Variants in EHMT1 observed in about 807,000 individuals in gnomAD.
EHMT1 encodes euchromatic histone lysine methyltransferase 1.
In EHMT1, 15 loss-of-function variants were observed where a neutral mutation model predicts 147.2. The ratio of observed to expected loss-of-function variants is 0.10; its 90% CI spans 0.07 to 0.16. EHMT1 has a LOEUF of 0.16. Among genes scored for constraint, EHMT1 ranks in the 10% least tolerant of loss-of-function variants. EHMT1 has a pLI of 1.00. For missense variants in EHMT1, 1,587 were observed against 1,772.4 expected (o/e 0.90, Z 1.88); for synonymous variants, 795 against 709.6 (o/e 1.12, Z -1.91).
chr9:137,788,161 C>A (rs1051227008), intron 15 of EHMT1: 2 of 816,216 alleles, frequency 2.5e-6, no homozygotes, highest in East Asian at 2.7e-5. Context: ...GCCTTCTCCC[C>A]ACTGCACCCC....
At position 137,732,882 on chromosome 9, in the gene EHMT1, TTC is replaced by T. The variant is rs1947236576; in HGVS notation, c.823+4355_823+4356del. Among the ~76,000 whole-genome samples, 1 of 152,176 alleles carries T rather than the reference TTC, an allele frequency of 6.6e-6. No homozygotes were observed. The highest frequency in any genetic ancestry group is 2.4e-5 in the African/African-American group (1 of 41,434). ...AAGGCTGAGATTTCTTGTCACGTCT[TTC>T]TGTTAATTTTTAATTACTGTGGCGA... On this transcript the variant is annotated intron_variant, in intron 4 of 26. Coordinates refer to ENST00000460843, the MANE Select transcript of EHMT1 (RefSeq NM_024757.5). The surrounding 1 kb of genome is among the most constrained non-coding windows in gnomAD (Gnocchi z 4.6).
chr9:137,780,052 T>C (rs1206685136), intron 14 of EHMT1, among the ~76,000 whole-genome samples: 1 of 151,874 alleles, frequency 6.6e-6, no homozygotes, highest in Non-Finnish European at 1.5e-5. Flanking sequence ...GTGATGACGC[T>C]GAGATGTGTG....
intron 1 of EHMT1, among the ~76,000 whole-genome samples, chr9:137,675,818 C>G (rs951636016): frequency 2.6e-5 from 3 of 117,606 alleles, no homozygotes; most frequent in Admixed American, 9.8e-5. Flanking sequence ...GAGTCTCGCT[C>G]TGTCGCCCAG....
At chr9:137,627,020 C>G (rs1205431507) in intron 1 of EHMT1, among the ~76,000 whole-genome samples, 1 of 151,914 alleles carries the variant, frequency 6.6e-6, no homozygotes, top group Non-Finnish European at 1.5e-5. Flanking sequence ...TGCAGTGGCC[C>G]CATCTCAGCT....
At chr9:137,803,914 C>T (rs28595313) in intron 18 of EHMT1, among the ~76,000 whole-genome samples, 13,397 of 151,948 alleles carry the variant, frequency 0.088, 1,946 homozygotes, top group African/African-American at 0.31. Flanking sequence ...TGCATTCATC[C>T]GTTCTCACAC....
intron 12 of EHMT1, chr9:137,777,147 G>T: frequency 2.6e-6 from 1 of 387,714 alleles, no homozygotes; most frequent in Non-Finnish European, 4.8e-6. Context: ...GTACACAAGC[G>T]ATAGACGAGT....
chr9:137,646,682 T>C (rs1268112335), intron 1 of EHMT1, among the ~76,000 whole-genome samples: 1 of 152,222 alleles, frequency 6.6e-6, no homozygotes, highest in African/African-American at 2.4e-5. Flanking sequence ...TGTGTTGTCA[T>C]GAGCTCTGGC....
At position 137,786,416 on chromosome 9, in the gene EHMT1, A is replaced by C. The variant is rs903829102; in HGVS notation, c.2382+4019A>C. 6.6e-6 allele frequency: 1 copy of C among 152,296 alleles called. No individual in the cohort carries two copies. 9.4% of individuals were successfully genotyped at this position (152,296 alleles called of 1,614,324 possible). On this transcript the variant is annotated intron_variant, in intron 15 of 26. Coordinates refer to ENST00000460843, the MANE Select transcript of EHMT1 (RefSeq NM_024757.5). This position sits in a 1 kb window ranked among gnomAD's most constrained non-coding sequence, Gnocchi z 4.3. ...TTATCTCTAGTTTGCCCTGAATCCA[A>C]GGGTGCTGTTTCTCAGGGTTTCAGC...
chr9:137,752,265 C>A, intron 6 of EHMT1, 66 bp from the exon 7 acceptor site: 1 of 1,555,534 alleles, frequency 6.4e-7, no homozygotes, highest in South Asian at 1.1e-5. Flanking sequence ...CGTCATCTGC[C>A]ACTAAAGGAT....
intron 6 of EHMT1, 70 bp from the exon 7 acceptor site, chr9:137,752,261 C>T (rs1949030026): frequency 2.6e-6 from 4 of 1,548,538 alleles, no homozygotes; most frequent in Middle Eastern, 3.6e-4. Context: ...GATCCGTCAT[C>T]TGCCACTAAA....
intron 1 of EHMT1, among the ~76,000 whole-genome samples, chr9:137,647,009 G>T (rs1193479039): frequency 6.6e-6 from 1 of 152,072 alleles, no homozygotes; most frequent in African/African-American, 2.4e-5. Context: ...CGTCTTACTG[G>T]TTCTTTCACC....
intron 1 of EHMT1, among the ~76,000 whole-genome samples, chr9:137,671,457 G>A (rs1468022476): frequency 1.4e-5 from 2 of 147,230 alleles, no homozygotes; most frequent in Non-Finnish European, 3.0e-5. Flanking sequence ...TGACCCTGAA[G>A]TTAGATAATG....
At chr9:137,661,606 C>T (rs1346243246) in intron 1 of EHMT1, among the ~76,000 whole-genome samples, 3 of 151,730 alleles carry the variant, frequency 2.0e-5, no homozygotes, top group Non-Finnish European at 4.4e-5. Context: ...CTGCCTCAGC[C>T]TCCCGAGTAG....
chr9:137,769,306 C>T (rs186133257), intron 10 of EHMT1, among the ~76,000 whole-genome samples: 268 of 152,282 alleles, frequency 1.8e-3, no homozygotes, highest in Non-Finnish European at 3.2e-3. Flanking sequence ...GTTTAACCTT[C>T]ATCTTAAACA....
In EHMT1 at chr9:137,717,418, C is replaced by T. The variant is rs751918248; in HGVS notation, c.642+236C>T. On this transcript the variant is annotated intron_variant, in intron 3 of 26. Transcript: ENST00000460843. ...AGGAGTTTGAGACCAGCCTGGGCAG[C>T]GTGGCGAAACTCAAATGCAAAATTT... 34 of 619,012 alleles carry T rather than the reference C, an allele frequency of 5.5e-5. 1 individual carries two copies. Among genetic ancestry groups the T allele is most frequent in the African/African-American group, 1.8e-4 (10 of 54,116 alleles). The allele number at this position is 619,012 out of a possible 1,614,324, so 38.3% of individuals were successfully genotyped here. A position where few individuals can be genotyped will look rare whatever the true frequency, so the allele number is the denominator to read the frequency against.
At chr9:137,802,547 C>T (rs1357725179) in intron 18 of EHMT1, 5 of 398,394 alleles carry the variant, frequency 1.3e-5, no homozygotes, top group Non-Finnish European at 2.2e-5. Context: ...AGTCTGGTGT[C>T]TGAGGAGGGA....
In EHMT1 at chr9:137,754,162, G is replaced by A. The variant is rs73669157; in HGVS notation, c.1249-9G>A. ...AGTGGTTTATATGCCTGCCCGTTTG[G>A]TTCTCCAGAGTTCGGAATCCAGCAT... On this transcript the variant is annotated splice_polypyrimidine_tract_variant and intron_variant, in intron 7 of 26. Coordinates refer to ENST00000460843, the MANE Select transcript of EHMT1 (RefSeq NM_024757.5). 7.4e-6 allele frequency: 12 copies of A among 1,614,074 alleles called. No homozygotes were observed. The South Asian group carries it at 1.2e-4, about 16-fold the overall frequency.
chr9:137,827,357 G>A (rs1955877860), intron 25 of EHMT1, among the ~76,000 whole-genome samples: 1 of 152,130 alleles, frequency 6.6e-6, no homozygotes, highest in Non-Finnish European at 1.5e-5. Flanking sequence ...ACAGGCCCAG[G>A]TACGGTTCTT....
At chr9:137,772,744 C>T (rs941785048) in intron 10 of EHMT1, among the ~76,000 whole-genome samples, 1 of 152,224 alleles carries the variant, frequency 6.6e-6, no homozygotes, top group African/African-American at 2.4e-5. Flanking sequence ...GGTCAGCAGT[C>T]GGTGAATCTG....
Sources: allele counts gnomAD v4.1 joint callset (sites outside exome capture counted in the v4.1 genomes callset), GRCh38; gene constraint gnomAD v4.1.1; non-coding constraint Gnocchi (gnomAD v3.1); transcripts MANE v1.5; gene names NCBI Gene and HGNC (gene_info 2026-07-23, HGNC 2026-07-21).